Variants in KCNJ12 observed in about 807,000 individuals in gnomAD.
The protein encoded by KCNJ12 is ATP-sensitive inward rectifier potassium channel 12.
A neutral mutation model predicts 22.3 loss-of-function variants in KCNJ12; 2 were observed. The observed-to-expected ratio is 0.09, with a 90% CI of 0.04 to 0.28. KCNJ12 has a LOEUF of 0.28. KCNJ12 is among the 10% of genes least tolerant of loss of function. KCNJ12 has a pLI of 1.00. For synonymous variants in KCNJ12, 117 were observed against 261.4 expected, an observed-to-expected ratio of 0.45 and a Z score of 5.33; for missense variants, 155 against 633.3, an observed-to-expected ratio of 0.24 and a Z score of 8.11.
intron 1 of KCNJ12, among the ~76,000 whole-genome samples, chr17:21,388,631 G>T (rs373099586): frequency 3.9e-5 from 6 of 152,216 alleles, no homozygotes; most frequent in African/African-American, 1.4e-4. Context: ...GTGTGACGTC[G>T]TGCTGAGGCT....
intron 1 of KCNJ12, among the ~76,000 whole-genome samples, chr17:21,400,565 T>C (rs1211404944): frequency 6.6e-6 from 1 of 152,300 alleles, no homozygotes; most frequent in East Asian, 1.9e-4. Context: ...GACTTGTTTA[T>C]GGAATGAACG....
At chr17:21,406,730 A>C (rs76495844) in intron 1 of KCNJ12, among the ~76,000 whole-genome samples, 1 of 152,304 alleles carries the variant, frequency 6.6e-6, no homozygotes, top group Non-Finnish European at 1.5e-5. Flanking sequence ...CAGGAGGCTA[A>C]TGAGGTGGGG....
intron 1 of KCNJ12, among the ~76,000 whole-genome samples, chr17:21,406,767 C>T (rs1232277977): frequency 1.3e-5 from 2 of 152,306 alleles, no homozygotes; most frequent in African/African-American, 4.8e-5. Flanking sequence ...TGCCTTAATT[C>T]CAGCCAGAAA....
intron 1 of KCNJ12, among the ~76,000 whole-genome samples, chr17:21,384,996 C>T (rs1259278935): frequency 1.3e-5 from 2 of 151,966 alleles, no homozygotes; most frequent in East Asian, 1.9e-4. Context: ...AGGATGGTCT[C>T]GATCTCCTGA....
chr17:21,400,170 G>A (rs1230753229), intron 1 of KCNJ12, among the ~76,000 whole-genome samples: 3 of 152,176 alleles, frequency 2.0e-5, no homozygotes, highest in South Asian at 2.1e-4. Flanking sequence ...TGGCCTGAAG[G>A]GCTCCCCACC....
chr17:21,411,632 T>C (rs1447744746), intron 2 of KCNJ12, among the ~76,000 whole-genome samples: 1 of 152,306 alleles, frequency 6.6e-6, no homozygotes, highest in African/African-American at 2.4e-5. Flanking sequence ...CAAGTCTCTT[T>C]TTCTTTTTGG....
chr17:21,388,102 CTTG>C (rs1243580966), intron 1 of KCNJ12, among the ~76,000 whole-genome samples: 2 of 152,154 alleles, frequency 1.3e-5, no homozygotes, highest in Non-Finnish European at 2.9e-5. Flanking sequence ...GTTAAAACCT[CTTG>C]TTGTAGTTCC....
At chr17:21,387,483 A>G (rs1178410965) in intron 1 of KCNJ12, among the ~76,000 whole-genome samples, 2 of 143,292 alleles carry the variant, frequency 1.4e-5, no homozygotes, top group Non-Finnish European at 3.0e-5. Flanking sequence ...TCTCTTTTTT[A>G]GAACCATACT....
intron 1 of KCNJ12, among the ~76,000 whole-genome samples, chr17:21,383,203 C>T (rs1555558233): frequency 6.6e-6 from 1 of 152,214 alleles, no homozygotes; most frequent in Non-Finnish European, 1.5e-5. Flanking sequence ...CCCTGCCCGC[C>T]CCGCTTGCTC....
chr17:21,394,197 G>A (rs1162082184), intron 1 of KCNJ12, among the ~76,000 whole-genome samples: 1 of 152,160 alleles, frequency 6.6e-6, no homozygotes, highest in Non-Finnish European at 1.5e-5. Context: ...TCAAGGGGCT[G>A]CCCTATACAG....
chr17:21,389,846 C>T (rs1852062073), intron 1 of KCNJ12, among the ~76,000 whole-genome samples: 2 of 152,078 alleles, frequency 1.3e-5, no homozygotes, highest in Admixed American at 1.3e-4. Context: ...CTTCCTAGCC[C>T]TCCCTGTGAC....
At chr17:21,414,406 C>T (rs1597583584) in intron 2 of KCNJ12, among the ~76,000 whole-genome samples, 1 of 133,498 alleles carries the variant, frequency 7.5e-6, no homozygotes, top group African/African-American at 2.8e-5. Flanking sequence ...ACCCAGGAGG[C>T]GGAGATGGCA....
intron 1 of KCNJ12, among the ~76,000 whole-genome samples, chr17:21,380,986 C>G (rs549201530): frequency 7.0e-4 from 106 of 152,342 alleles, no homozygotes; most frequent in African/African-American, 2.5e-3. Context: ...CTGTGGAGAC[C>G]TTGGGGACCC....
chr17:21,388,884 G>A (rs1176170025), intron 1 of KCNJ12, among the ~76,000 whole-genome samples: 1 of 152,184 alleles, frequency 6.6e-6, no homozygotes, highest in Non-Finnish European at 1.5e-5. Context: ...AGGGAAGGTA[G>A]AGACATCCTG....
chr17:21,387,693 C>T (rs1364343080), intron 1 of KCNJ12, among the ~76,000 whole-genome samples: 1 of 152,134 alleles, frequency 6.6e-6, no homozygotes, highest in Non-Finnish European at 1.5e-5. Flanking sequence ...GAACATCTAA[C>T]TGGTATTTCC....
intron 1 of KCNJ12, among the ~76,000 whole-genome samples, chr17:21,382,851 T>C (rs1401220222): frequency 5.3e-5 from 8 of 152,174 alleles, no homozygotes; most frequent in Non-Finnish European, 1.2e-4. Flanking sequence ...ACATGAGGAC[T>C]GGCAGCAGGG....
At chr17:21,409,336 C>G (rs78514458) in intron 2 of KCNJ12, among the ~76,000 whole-genome samples, 1 of 152,302 alleles carries the variant, frequency 6.6e-6, no homozygotes, top group Non-Finnish European at 1.5e-5. Context: ...TGTGGGGCAT[C>G]CAGGAGGGGA....
chr17:21,383,951 T>G (rs1214974730), intron 1 of KCNJ12, among the ~76,000 whole-genome samples: 1 of 152,126 alleles, frequency 6.6e-6, no homozygotes, highest in Non-Finnish European at 1.5e-5. Flanking sequence ...GTGCTCACAG[T>G]AAAGTGATAA....
chr17:21,418,673 GC>G lies in KCNJ12; in HGVS notation c.*2031del. 6.0e-6 allele frequency: 1 copy of G among 167,736 alleles called. No homozygotes were observed. The allele number at this position is 167,736 out of a possible 1,614,324, so 10.4% of individuals were successfully genotyped here. A position where few individuals can be genotyped will look rare whatever the true frequency, so the allele number is the denominator to read the frequency against. On this transcript the variant is annotated 3_prime_UTR_variant, in exon 3 of 3. Transcript: ENST00000583088. The stretch of plus-strand genomic sequence containing the variant: ...AGGCAGCTCTTTCCTCTCGGGGTCT[GC>G]CAGGGGTGCCTCAGCTGGTTCCTGC...
Sources: allele counts gnomAD v4.1 joint callset (sites outside exome capture counted in the v4.1 genomes callset), GRCh38; gene constraint gnomAD v4.1.1; transcripts MANE v1.5; gene names NCBI Gene and HGNC (gene_info 2026-07-23, HGNC 2026-07-21).